Variants in TMEM87B observed in about 807,000 individuals in gnomAD.
TMEM87B encodes the protein transmembrane protein 87B.
In TMEM87B, 83 loss-of-function variants were observed where a neutral mutation model predicts 80.3. The observed-to-expected ratio is 1.03, with a 90% CI of 0.87 to 1.24. TMEM87B has a LOEUF of 1.24. Among genes scored for constraint, TMEM87B ranks in the 50% most tolerant of loss-of-function variants. The pLI, the probability that TMEM87B is intolerant of heterozygous loss-of-function variation, is 0.00. For missense variants in TMEM87B, 625 were observed against 674.4 expected (o/e 0.93, Z 0.81); for synonymous variants, 219 against 230.5 (o/e 0.95, Z 0.45).
In TMEM87B at chr2:112,078,126, G is replaced by A. The variant is rs76619299; in HGVS notation, c.592+844G>A. On this transcript the variant is annotated intron_variant, in intron 6 of 18. Transcript: ENST00000283206. ...TGAGGTAAGGCTTCCTTCTGGAGAT[G>A]GCATCATGAGCCAGACTGTGCCAAG... Among the ~76,000 whole-genome samples the A allele has an allele frequency of 3.0e-3, 452 of 152,308 alleles. 4 individuals carry two copies. The highest frequency in any genetic ancestry group is 0.01 in the African/African-American group (436 of 41,550).
intron 9 of TMEM87B, among the ~76,000 whole-genome samples, chr2:112,089,147 G>T (rs1030383178): frequency 3.3e-5 from 5 of 152,210 alleles, no homozygotes; most frequent in African/African-American, 1.2e-4. Context: ...CTGGTGATCA[G>T]AAAGGAGGTC....
At chr2:112,109,342 A>G (rs1228449366) in intron 17 of TMEM87B, among the ~76,000 whole-genome samples, 1 of 151,962 alleles carries the variant, frequency 6.6e-6, no homozygotes, top group East Asian at 1.9e-4. Context: ...CCTTCCTCCT[A>G]TAGGTCTTTC....
At chr2:112,079,108 A>G (rs1678911894) in intron 6 of TMEM87B, among the ~76,000 whole-genome samples, 1 of 152,210 alleles carries the variant, frequency 6.6e-6, no homozygotes, top group African/African-American at 2.4e-5. Context: ...AATGCTTAAC[A>G]TTTTTTGTGG....
intron 4 of TMEM87B, among the ~76,000 whole-genome samples, chr2:112,073,781 G>C (rs911088843): frequency 6.6e-6 from 1 of 152,146 alleles, no homozygotes; most frequent in Admixed American, 6.5e-5. Flanking sequence ...GTACTCCTGT[G>C]TTGGGTGCAT....
Position 112,090,508 on chromosome 2 carries a change from C to A in TMEM87B, c.1032+790C>A, listed in dbSNP as rs533663451. 2.0e-4 allele frequency among the ~76,000 whole-genome samples: 30 copies of A among 152,146 alleles called. 1 individual carries two copies. In the South Asian group the frequency reaches 6.0e-3, roughly 31 times the overall value. ...GTGGCATGATCATGGCTCACTGCAG[C>A]CTCCATCTCCTAGACTTAAGCAGTC... On this transcript the variant is annotated intron_variant, in intron 10 of 18. Transcript: ENST00000283206.
rs555749333 is a variant in TMEM87B at position 112,117,770 on chromosome 2, A to G, written c.*1627A>G. ...ATTCCCAGCATTTATGTTCTGTTGT[A>G]TTCTCCCCTTAGCCCAGTAACATTT... On this transcript the variant is annotated 3_prime_UTR_variant, in exon 19 of 19. Coordinates refer to ENST00000283206, the MANE Select transcript of TMEM87B (RefSeq NM_032824.3). The G allele has an allele frequency of 6.6e-6, 1 of 152,224 alleles. No homozygotes were observed. The highest frequency in any genetic ancestry group is 1.5e-5 in the Non-Finnish European group (1 of 68,006). 9.4% of individuals were successfully genotyped at this position (152,224 alleles called of 1,614,324 possible).
Position 112,081,354 on chromosome 2 carries a change from T to C in TMEM87B, c.674T>C (p.Ile225Thr). The C allele has an allele frequency of 6.2e-7, 1 of 1,604,962 alleles. No individual in the cohort carries two copies. ...CTACAGTTTTACATGGTGATGTGTA[T>C]TGTTTATATATTATATGGCATACTC... is the stretch of plus-strand genomic sequence containing the variant. ...PLMIFYMVMC[I>T]VYILYGILWL... Residue 225 changes from isoleucine (I) to threonine (T), a missense_variant, in exon 8 of 19, where the codon ATT (isoleucine) becomes ACT (threonine). Transcript: ENST00000283206.
chr2:112,073,100 A>G (rs1359492323), intron 4 of TMEM87B, among the ~76,000 whole-genome samples: 2 of 151,756 alleles, frequency 1.3e-5, no homozygotes, highest in Non-Finnish European at 1.5e-5. Flanking sequence ...AGGTTTCGCC[A>G]TGTTGGCCAG....
chr2:112,080,670 A>G (rs1263120146), intron 6 of TMEM87B, among the ~76,000 whole-genome samples: 1 of 152,184 alleles, frequency 6.6e-6, no homozygotes, highest in Admixed American at 6.5e-5. Context: ...TTTATCTCCC[A>G]GTACCTAAGT....
chr2:112,092,522 C>T (rs1056784959), intron 11 of TMEM87B, among the ~76,000 whole-genome samples: 3 of 152,068 alleles, frequency 2.0e-5, no homozygotes, highest in African/African-American at 7.2e-5. Flanking sequence ...AAGAAGATGA[C>T]GTGGGAAAGG....
At chr2:112,058,771 A>G (rs4848980) in intron 1 of TMEM87B, among the ~76,000 whole-genome samples, 34,018 of 152,204 alleles carry the variant, frequency 0.22, 4,222 homozygotes, top group Middle Eastern at 0.39. Context: ...CAGGAAATGC[A>G]GAGGGCCTAA....
At position 112,117,453 on chromosome 2, in the gene TMEM87B, C is replaced by T. The variant is rs1422862909; in HGVS notation, c.*1310C>T. The T allele has an allele frequency of 6.6e-6, 1 of 151,852 alleles. No homozygotes were observed. Among genetic ancestry groups the T allele is most frequent in the Non-Finnish European group, 1.5e-5 (1 of 67,954 alleles). 9.4% of individuals were successfully genotyped at this position (151,852 alleles called of 1,614,324 possible). A position where few individuals can be genotyped will look rare whatever the true frequency, so the allele number is the denominator to read the frequency against. On this transcript the variant is annotated 3_prime_UTR_variant, in exon 19 of 19. Coordinates refer to ENST00000283206, the MANE Select transcript of TMEM87B (RefSeq NM_032824.3). ...CAAGCAATTTTTTTTCTTTTTCTTT[C>T]AAAAGCCTACCTTCTGAATTTATTT... is the stretch of plus-strand genomic sequence containing the variant.
intron 3 of TMEM87B, among the ~76,000 whole-genome samples, chr2:112,065,643 CA>C (rs58619427): frequency 0.3 from 22,973 of 75,360 alleles, 2,014 homozygotes; most frequent in African/African-American, 0.46. Flanking sequence ...ACCTTGTCTT[CA>C]AAAAAAAAAA....
chr2:112,079,232 G>A (rs1452496273), intron 6 of TMEM87B, among the ~76,000 whole-genome samples: 1 of 152,152 alleles, frequency 6.6e-6, no homozygotes, highest in Non-Finnish European at 1.5e-5. Flanking sequence ...CTCCTCCTGT[G>A]TGAGATTTTT....
intron 15 of TMEM87B, among the ~76,000 whole-genome samples, chr2:112,104,247 A>G (rs558735335): frequency 2.1e-4 from 32 of 152,372 alleles, no homozygotes; most frequent in African/African-American, 7.0e-4. Context: ...TTTAAAATCT[A>G]TGCTCATCAG....
chr2:112,059,940 T>G lies in TMEM87B; in HGVS notation c.166-37T>G, dbSNP rs773705872. ...GGTAAAACAGTTGCAAAAAAAACTT[T>G]CTAACAAGATCTTCCTGTGTTTGTT... On this transcript the variant is annotated intron_variant, in intron 1 of 18. Transcript: ENST00000283206. 13 of 1,585,688 alleles carry G rather than the reference T, an allele frequency of 8.2e-6. No individual in the cohort carries two copies. In the East Asian group the frequency reaches 2.3e-4, roughly 28 times the overall value.
chr2:112,071,352 A>C (rs1678629742), intron 4 of TMEM87B, among the ~76,000 whole-genome samples: 2 of 127,436 alleles, frequency 1.6e-5, no homozygotes, highest in Admixed American at 2.0e-4. Flanking sequence ...TCCAGGCTGG[A>C]GTGCAATGGC....
chr2:112,081,330 T>A lies in TMEM87B; in HGVS notation c.655-5T>A, dbSNP rs2104475810. 2 of 1,585,906 alleles carry A rather than the reference T, an allele frequency of 1.3e-6. No individual in the cohort carries two copies. The highest frequency in any genetic ancestry group is 1.7e-6 in the Non-Finnish European group (2 of 1,169,138). On this transcript the variant is annotated splice_polypyrimidine_tract_variant and splice_region_variant and intron_variant, in intron 7 of 18. Transcript: ENST00000283206. Reference sequence around the variant, plus strand: ...AACTGACTAAAATTGCTTCTCTTCCTACAGTTTTACATGGTGATGTGTATT... The same window carrying A: ...AACTGACTAAAATTGCTTCTCTTCCAACAGTTTTACATGGTGATGTGTATT...
intron 18 of TMEM87B, among the ~76,000 whole-genome samples, chr2:112,115,381 T>G (rs111934106): frequency 8.4e-6 from 1 of 119,672 alleles, no homozygotes. Flanking sequence ...TACAGAAAGA[T>G]GTAGCATTAC....
Sources: gnomAD v4.1 joint callset for allele counts (sites outside exome capture counted in the v4.1 genomes callset) on GRCh38, gnomAD v4.1.1 for gene constraint, MANE v1.5 for transcripts, NCBI Gene and HGNC (gene_info 2026-07-23, HGNC 2026-07-21) for gene names.